The following ATG101 variants were observed in gnomAD, a reference collection of about 807,000 sequenced individuals.
ATG101 encodes the protein autophagy related 101.
Under a neutral mutation model 16.7 loss-of-function variants are expected in ATG101, and 6 were observed. That is an observed-to-expected ratio of 0.36 (90% CI 0.20 to 0.71). The LOEUF is 0.71. ATG101 is among the 30% of genes least tolerant of loss of function. ATG101 has a pLI of 0.57. For missense variants in ATG101, 200 were observed against 292.5 expected (o/e 0.68, Z 2.31); for synonymous variants, 108 against 118.1 (o/e 0.91, Z 0.56).
chr12:52,075,669 A>T (rs1206710233), intron 3 of ATG101, among the ~76,000 whole-genome samples: 1 of 152,208 alleles, frequency 6.6e-6, no homozygotes, highest in Non-Finnish European at 1.5e-5. Flanking sequence ...GAAGAGGAGT[A>T]TGGGGCCACT....
In ATG101 at chr12:52,073,738, C is replaced by T. The variant is rs1939686901; in HGVS notation, c.88C>T (p.Leu30=). ...AMLAVLHTVL[L]HRSTGKFHYK... is the part of the protein sequence containing the mutation. ...GCTGGCTGTGCTGCACACGGTGCTT[C>T]TGCACCGCAGCACAGGCAAGTTCCA... Residue 30 remains leucine (L), a synonymous_variant, in exon 3 of 4, where the codon CTG becomes TTG. Transcript: ENST00000336854. The T allele has an allele frequency of 6.2e-7, 1 of 1,614,186 alleles. No homozygotes were observed.
At position 52,076,008 on chromosome 12, in the gene ATG101, A is replaced by G. The variant is rs367882705; in HGVS notation, c.253-778A>G. Among the ~76,000 whole-genome samples the G allele has an allele frequency of 3.1e-4, 47 of 152,132 alleles. 1 individual carries two copies. The East Asian group carries it at 3.9e-3, about 12-fold the overall frequency. On this transcript the variant is annotated intron_variant, in intron 3 of 3. Transcript: ENST00000336854. ...TACCCCGTCTCTTAACAAAATAAAAAAAATTAAAACTTAGCCAAGTGTGCC... is the reference window on the plus strand; with the variant it reads ...TACCCCGTCTCTTAACAAAATAAAAGAAATTAAAACTTAGCCAAGTGTGCC...
chr12:52,069,506 C>A (rs1565659983), upstream of ATG101: 1 of 152,294 alleles, frequency 6.6e-6, no homozygotes, highest in Non-Finnish European at 1.5e-5. Context: ...CAGGACCTCT[C>A]TCTACGGGGT....
Position 52,073,555 on chromosome 12 carries a change from G to T in ATG101, c.-76-20G>T. 1 of 1,468,788 alleles carries T rather than the reference G, an allele frequency of 6.8e-7. No homozygotes were observed. The highest frequency in any genetic ancestry group is 1.3e-5 in the South Asian group (1 of 77,346). The allele number at this position is 1,468,788 out of a possible 1,614,324, so 91.0% of individuals were successfully genotyped here. ...CGTGGACTATTCTTGTCAGCATTCT[G>T]ACCTGGGCTCCTTTTGCAGGGTGGC... On this transcript the variant is annotated intron_variant, in intron 2 of 3. Coordinates refer to ENST00000336854, the MANE Select transcript of ATG101 (RefSeq NM_021934.5).
chr12:52,073,674 G>C lies in ATG101; in HGVS notation c.24G>C (p.Leu8=). MNCRSEV[L]EVSVEGRQVE... ...GGATGAACTGTCGCTCGGAGGTGCT[G>C]GAGGTGTCGGTGGAGGGGCGGCAGG... Residue 8 remains leucine (L), a synonymous_variant, in exon 3 of 4, where the codon CTG becomes CTC. Coordinates refer to ENST00000336854, the MANE Select transcript of ATG101 (RefSeq NM_021934.5). 3.7e-6 allele frequency: 6 copies of C among 1,613,960 alleles called. No individual in the cohort carries two copies. Among genetic ancestry groups the C allele is most frequent in the Non-Finnish European group, 5.1e-6 (6 of 1,179,896 alleles).
intron 3 of ATG101, 74 bp downstream of exon 3, chr12:52,073,976 TC>T: frequency 6.4e-7 from 1 of 1,569,250 alleles, no homozygotes; most frequent in Admixed American, 1.7e-5. Flanking sequence ...GCTCCTCCAC[TC>T]CAGCTTGGTG....
At chr12:52,074,990 G>T (rs1273164854) in intron 3 of ATG101, among the ~76,000 whole-genome samples, 3 of 152,108 alleles carry the variant, frequency 2.0e-5, no homozygotes, top group South Asian at 4.1e-4. Context: ...GTAGAGATGG[G>T]GTGTCACTGT....
Position 52,077,400 on chromosome 12 carries a change from C to T in ATG101, c.*210C>T. 3.3e-6 allele frequency: 2 copies of T among 610,918 alleles called. No homozygotes were observed. Among genetic ancestry groups the T allele is most frequent in the Non-Finnish European group, 5.7e-6 (2 of 352,542 alleles). The allele number at this position is 610,918 out of a possible 1,614,324, so 37.8% of individuals were successfully genotyped here. On this transcript the variant is annotated 3_prime_UTR_variant, in exon 4 of 4. Transcript: ENST00000336854. ...CGGTTCAGTCCTGCCTCTACTGTCT[C>T]TCCATAGCCCTGGTGGGGTCCCCCT...
At chr12:52,074,081 G>T (rs1033865692) in intron 3 of ATG101, among the ~76,000 whole-genome samples, 179 bp downstream of exon 3, 5 of 152,042 alleles carry the variant, frequency 3.3e-5, no homozygotes, top group East Asian at 2.0e-4. Flanking sequence ...GGGAGGGCGC[G>T]CGGGCGCGTG....
chr12:52,077,199 G>A lies in ATG101; in HGVS notation c.*9G>A, dbSNP rs184663914. 7.9e-4 allele frequency: 1,277 copies of A among 1,608,470 alleles called. 6 individuals carry two copies. In the Middle Eastern group the frequency reaches 0.018, roughly 22 times the overall value. On this transcript the variant is annotated 3_prime_UTR_variant, in exon 4 of 4. Coordinates refer to ENST00000336854, the MANE Select transcript of ATG101 (RefSeq NM_021934.5). ...ACACCCTTGCCCTCTGAGCGTCGCT[G>A]GATCTCTGGGAGCTCCTTGATGGCT... is the stretch of plus-strand genomic sequence containing the variant.
chr12:52,075,574 T>A (rs913214535), intron 3 of ATG101, among the ~76,000 whole-genome samples: 1 of 152,124 alleles, frequency 6.6e-6, no homozygotes, highest in Non-Finnish European at 1.5e-5. Flanking sequence ...CCCTGATGAG[T>A]GTGGTTCAGG....
upstream of ATG101, among the ~76,000 whole-genome samples, chr12:52,067,308 T>G (rs1257010935): frequency 2.0e-5 from 3 of 152,364 alleles, no homozygotes; most frequent in Non-Finnish European, 4.4e-5. Context: ...TCTGCATTCA[T>G]TGATGTCTTG....
At position 52,073,622 on chromosome 12, in the gene ATG101, A is replaced by G. The variant is rs2603738; in HGVS notation, c.-29A>G. On this transcript the variant is annotated 5_prime_UTR_variant, in exon 3 of 4. Transcript: ENST00000336854. ...GATCCCCTGTCTTTATCCTAGTTCCACACCTTGGTGTGGGTTACTGGGTGC... is the reference window on the plus strand; with the variant it reads ...GATCCCCTGTCTTTATCCTAGTTCCGCACCTTGGTGTGGGTTACTGGGTGC... 76,325 of 1,601,444 alleles carry G rather than the reference A, an allele frequency of 0.048. 3,353 individuals are homozygous for G. The highest frequency in any genetic ancestry group is 0.23 in the African/African-American group (16,903 of 74,652).
At chr12:52,066,995 C>T (rs1200286538), upstream of ATG101, among the ~76,000 whole-genome samples, 1 of 152,148 alleles carries the variant, frequency 6.6e-6, no homozygotes, top group Non-Finnish European at 1.5e-5. Flanking sequence ...CCGAAGAGGT[C>T]GCTGGTGTGT....
At chr12:52,065,422 T>A (rs2120588487), upstream of ATG101, among the ~76,000 whole-genome samples, 1 of 152,330 alleles carries the variant, frequency 6.6e-6, no homozygotes, top group African/African-American at 2.4e-5. Flanking sequence ...GTGGCATGAA[T>A]GAATGAATAG....
At position 52,070,450 on chromosome 12, in the gene ATG101, T is replaced by C. The variant is rs71449832; in HGVS notation, c.-110T>C. 2.6e-3 allele frequency: 395 copies of C among 153,024 alleles called. 1 individual carries two copies. Among genetic ancestry groups the C allele is most frequent in the Non-Finnish European group, 4.9e-3 (337 of 68,340 alleles). The allele number at this position is 153,024 out of a possible 1,614,324, so 9.5% of individuals were successfully genotyped here. ...GGAGGAGGAAGGGCATGAGCCGAGCTTGAGGAATCCGTGCTCCAAACTCTA... is the reference window on the plus strand; with the variant it reads ...GGAGGAGGAAGGGCATGAGCCGAGCCTGAGGAATCCGTGCTCCAAACTCTA... On this transcript the variant is annotated 5_prime_UTR_variant, in exon 2 of 4. Transcript: ENST00000336854.
In ATG101 at chr12:52,077,216, T is replaced by A. The variant is rs1315216901; in HGVS notation, c.*26T>A. On this transcript the variant is annotated 3_prime_UTR_variant, in exon 4 of 4. Transcript: ENST00000336854. ...GCGTCGCTGGATCTCTGGGAGCTCC[T>A]TGATGGCTCCCAGACCTTGGCTTTT... 6.2e-7 allele frequency: 1 copy of A among 1,604,608 alleles called. No homozygotes were observed. Among genetic ancestry groups the A allele is most frequent in the South Asian group, 1.1e-5 (1 of 90,566 alleles).
intron 2 of ATG101, among the ~76,000 whole-genome samples, chr12:52,073,365 TA>T (rs1939679874): frequency 6.6e-6 from 1 of 152,374 alleles, no homozygotes; most frequent in Admixed American, 6.5e-5. Flanking sequence ...TTGAAGGCTG[TA>T]AAATGGAATC....
At position 52,077,359 on chromosome 12, in the gene ATG101, T is replaced by A; in HGVS notation, c.*169T>A. 2 of 745,992 alleles carry A rather than the reference T, an allele frequency of 2.7e-6. No homozygotes were observed. Among genetic ancestry groups the A allele is most frequent in the Non-Finnish European group, 2.1e-6 (1 of 470,906 alleles). 46.2% of individuals were successfully genotyped at this position (745,992 alleles called of 1,614,324 possible). The stretch of plus-strand genomic sequence containing the variant: ...TGTGGTTGCCAGCCTCAGGTCATCC[T>A]TTTAATCTTTGCTGACGGTTCAGTC... On this transcript the variant is annotated 3_prime_UTR_variant, in exon 4 of 4. Coordinates refer to ENST00000336854, the MANE Select transcript of ATG101 (RefSeq NM_021934.5).
Sources: gnomAD v4.1 joint callset for allele counts (sites outside exome capture counted in the v4.1 genomes callset) on GRCh38, gnomAD v4.1.1 for gene constraint, MANE v1.5 for transcripts, NCBI Gene and HGNC (gene_info 2026-07-23, HGNC 2026-07-21) for gene names.